RBFOX1: variants seen among roughly 807,000 people sequenced by gnomAD.
The protein encoded by RBFOX1 is RNA binding protein fox-1 homolog 1.
Under a neutral mutation model 57.7 loss-of-function variants are expected in RBFOX1, and 8 were observed. That is an observed-to-expected ratio of 0.14 (90% confidence interval 0.08 to 0.25). RBFOX1 has a LOEUF of 0.25. Among genes scored for constraint, RBFOX1 ranks in the 10% least tolerant of loss-of-function variants. The pLI is 1.00. For missense variants in RBFOX1, 611 were observed against 548.5 expected (o/e 1.11, Z -1.14); for synonymous variants, 326 against 222.4 (o/e 1.47, Z -4.15).
chr16:5,759,226 A>T lies in RBFOX1; in HGVS notation c.319-108077A>T, dbSNP rs140886057. Among the ~76,000 whole-genome samples, 24 of 152,348 alleles carry T rather than the reference A, an allele frequency of 1.6e-4. No homozygotes were observed. In the East Asian group the frequency reaches 4.4e-3, roughly 28 times the overall value. On this transcript the variant is annotated intron_variant, in intron 3 of 19. Transcript: ENST00000641259. ...TTTAGAATGTCTGAATCTGCATCAT[A>T]GCCTGAGGTCTGTGTTCAGCTTACA...
chr16:7,209,111 G>A (rs1233294511), intron 4 of RBFOX1, among the ~76,000 whole-genome samples: 4 of 151,094 alleles, frequency 2.6e-5, no homozygotes, highest in Admixed American at 6.6e-5. Flanking sequence ...CCTGGCCAAC[G>A]TGGTGAAACT....
chr16:6,941,825 CT>C lies in RBFOX1; in HGVS notation c.-15-110224del, dbSNP rs200592536. Among the ~76,000 whole-genome samples the C allele has an allele frequency of 2.2e-4, 34 of 151,970 alleles. No individual in the cohort carries two copies. The East Asian group carries it at 4.9e-3, about 22-fold the overall frequency. On this transcript the variant is annotated intron_variant, in intron 3 of 15. Transcript: ENST00000550418. ...GGACCTAACAAATAAGAATGAGCTG[CT>C]TTTTTTTCCCCCTAACTCTTTCCCA...
At chr16:6,587,151 T>G (rs1349141049) in intron 2 of RBFOX1, among the ~76,000 whole-genome samples, 1 of 152,176 alleles carries the variant, frequency 6.6e-6, no homozygotes, top group Non-Finnish European at 1.5e-5. Context: ...AACTGAATTT[T>G]TTTTATCCAT....
At chr16:5,436,354 A>C (rs946298932) in intron 1 of RBFOX1, among the ~76,000 whole-genome samples, 2 of 152,172 alleles carry the variant, frequency 1.3e-5, no homozygotes, top group Non-Finnish European at 2.9e-5. Flanking sequence ...GCTACAGAAG[A>C]GACAGGGTGA....
intron 3 of RBFOX1, among the ~76,000 whole-genome samples, chr16:5,774,842 C>G (rs2054093880): frequency 6.6e-6 from 1 of 152,172 alleles, no homozygotes; most frequent in Non-Finnish European, 1.5e-5. Context: ...GCCACCACAC[C>G]TAGCTAATTT....
chr16:5,310,584 C>G (rs1447813954), intron 1 of RBFOX1, among the ~76,000 whole-genome samples: 3 of 152,138 alleles, frequency 2.0e-5, no homozygotes, highest in African/African-American at 4.8e-5. Context: ...GCTAGAGATT[C>G]ATGGGCAGAG....
At chr16:7,187,690 CAAAAAAAAAAAAAAAAAAAAAAAA>C (rs536529201) in intron 4 of RBFOX1, among the ~76,000 whole-genome samples, 2 of 72,568 alleles carry the variant, frequency 2.8e-5, no homozygotes, top group Non-Finnish European at 4.6e-5. Flanking sequence ...CTCTGTCTCA[CAAAAAAAAAAAAAAAAAAAAAAAA>C]AAAAAAAAAA....
rs776205199 is a variant in RBFOX1, at chr16:6,823,788, AC to A, written c.-16+169139del. 1.0e-3 allele frequency among the ~76,000 whole-genome samples: 153 copies of A among 152,266 alleles called. 1 individual carries two copies. Among genetic ancestry groups the A allele is most frequent in the Non-Finnish European group, 1.8e-3 (121 of 68,026 alleles). The stretch of plus-strand genomic sequence containing the variant: ...TGTTCTAGTTGTTGCAGATAGGAAA[AC>A]TAATAATAGGAGATTCCTACCTCTG... On this transcript the variant is annotated intron_variant, in intron 3 of 15. Transcript: ENST00000550418.
chr16:7,441,723 T>C (rs1220386053), intron 4 of RBFOX1, among the ~76,000 whole-genome samples: 1 of 152,168 alleles, frequency 6.6e-6, no homozygotes, highest in African/African-American at 2.4e-5. Context: ...ATCCGCACAC[T>C]TCACCCACCA....
intron 2 of RBFOX1, among the ~76,000 whole-genome samples, chr16:5,577,678 C>A (rs963845827): frequency 7.9e-5 from 12 of 152,188 alleles, no homozygotes; most frequent in African/African-American, 2.9e-4. Flanking sequence ...AAGGCAGTGA[C>A]TGTGCTGTAC....
intron 2 of RBFOX1, among the ~76,000 whole-genome samples, chr16:5,499,828 CTCCCAAAG>C (rs2043125968): frequency 6.6e-6 from 1 of 152,138 alleles, no homozygotes; most frequent in African/African-American, 2.4e-5. Context: ...CTGCCTTGGC[CTCCCAAAG>C]TGTTGGGATT....
intron 1 of RBFOX1, among the ~76,000 whole-genome samples, chr16:6,304,073 G>A (rs1180296274): frequency 6.6e-6 from 1 of 151,634 alleles, no homozygotes; most frequent in Non-Finnish European, 1.5e-5. Context: ...GCCTCCCAAA[G>A]TGCTGGGATT....
intron 3 of RBFOX1, among the ~76,000 whole-genome samples, chr16:6,721,005 C>T (rs953054321): frequency 6.6e-6 from 1 of 152,122 alleles, no homozygotes; most frequent in Non-Finnish European, 1.5e-5. Flanking sequence ...AAGATGAGGT[C>T]ACGAATATGC....
intron 4 of RBFOX1, among the ~76,000 whole-genome samples, chr16:7,166,431 T>G (rs1367685956): frequency 6.6e-6 from 1 of 151,888 alleles, no homozygotes; most frequent in Non-Finnish European, 1.5e-5. Context: ...GAGGAGTCCA[T>G]GAATAAATGT....
At chr16:7,682,549 T>G (rs1206880528) in intron 14 of RBFOX1, among the ~76,000 whole-genome samples, 2 of 151,558 alleles carry the variant, frequency 1.3e-5, no homozygotes, top group Admixed American at 1.3e-4. Context: ...GTTTTAGTTT[T>G]TTTTTTTTTT....
At chr16:6,813,305 C>G (rs1235729413) in intron 3 of RBFOX1, among the ~76,000 whole-genome samples, 1 of 152,166 alleles carries the variant, frequency 6.6e-6, no homozygotes, top group Non-Finnish European at 1.5e-5. Flanking sequence ...ATGAAACAAC[C>G]CTCTTCGTTT....
chr16:6,072,100 G>A (rs1471904136), intron 1 of RBFOX1, among the ~76,000 whole-genome samples: 1 of 152,198 alleles, frequency 6.6e-6, no homozygotes, highest in African/African-American at 2.4e-5. Flanking sequence ...ATGGCTGAAG[G>A]TGAAGGAGGA....
At chr16:6,622,431 C>T (rs2098246469) in intron 2 of RBFOX1, among the ~76,000 whole-genome samples, 1 of 152,106 alleles carries the variant, frequency 6.6e-6, no homozygotes, top group African/African-American at 2.4e-5. Context: ...CAGTAACAAG[C>T]TGTACAGGCT....
At chr16:5,430,289 C>G (rs746754102) in intron 1 of RBFOX1, among the ~76,000 whole-genome samples, 1 of 152,094 alleles carries the variant, frequency 6.6e-6, no homozygotes, top group Non-Finnish European at 1.5e-5. Context: ...GGGGAGGCCT[C>G]TCAAAGTGAC....
Sources: allele counts gnomAD v4.1 joint callset (sites outside exome capture counted in the v4.1 genomes callset), GRCh38; gene constraint gnomAD v4.1.1; transcripts MANE v1.5; gene names NCBI Gene and HGNC (gene_info 2026-07-23, HGNC 2026-07-21).